Variants in CDC14A observed in about 807,000 individuals in gnomAD.
CDC14A encodes the protein cell division cycle 14A.
In CDC14A, 53 loss-of-function variants were observed where a neutral mutation model predicts 74.4. The observed-to-expected ratio is 0.71, with a 90% CI of 0.57 to 0.89. The LOEUF is 0.89. Ranked by LOEUF, CDC14A falls within the 40% of genes least tolerant of loss-of-function variation. CDC14A has a pLI of 0.00. For missense variants in CDC14A, 646 were observed against 713.7 expected (o/e 0.91, Z 1.08); for synonymous variants, 247 against 258.4 (o/e 0.96, Z 0.43).
intron 4 of CDC14A, among the ~76,000 whole-genome samples, chr1:100,409,132 G>A (rs913224857): frequency 2.0e-5 from 3 of 152,088 alleles, no homozygotes; most frequent in Admixed American, 6.6e-5. Context: ...TGAAAGGCAC[G>A]TCTCACATGG....
chr1:100,461,897 T>A (rs1290070764), intron 8 of CDC14A, among the ~76,000 whole-genome samples: 1 of 152,234 alleles, frequency 6.6e-6, no homozygotes, highest in Non-Finnish European at 1.5e-5. Context: ...TTAAGTCAAG[T>A]CTTACTTAAG....
intron 4 of CDC14A, among the ~76,000 whole-genome samples, chr1:100,421,739 C>G (rs1052679385): frequency 6.6e-6 from 1 of 152,068 alleles, no homozygotes; most frequent in East Asian, 1.9e-4. Flanking sequence ...GCCCACTGTT[C>G]GAATTCTGTT....
rs147711708 is a variant in CDC14A, at chr1:100,410,344, C to T, written c.310-13878C>T. On this transcript the variant is annotated intron_variant, in intron 4 of 15. Coordinates refer to ENST00000336454, the MANE Select transcript of CDC14A (RefSeq NM_003672.4). Reference sequence around the variant, plus strand: ...TTCTAAAATCATTTTTTTTCCAAGACGGAGTCTTGCTCTGTTGCCCAGGCT... The same window carrying T: ...TTCTAAAATCATTTTTTTTCCAAGATGGAGTCTTGCTCTGTTGCCCAGGCT... Among the ~76,000 whole-genome samples the T allele has an allele frequency of 3.9e-3, 593 of 151,930 alleles. 5 individuals are homozygous for T. Among genetic ancestry groups the T allele is most frequent in the African/African-American group, 0.014 (560 of 41,444 alleles).
At chr1:100,424,678 T>C (rs1293840723) in intron 5 of CDC14A, among the ~76,000 whole-genome samples, 3 of 152,170 alleles carry the variant, frequency 2.0e-5, no homozygotes, top group East Asian at 1.9e-4. Context: ...TCTGGTCACA[T>C]GTCAGAGGCC....
At chr1:100,456,388 A>C (rs1261126659) in intron 8 of CDC14A, among the ~76,000 whole-genome samples, 1 of 152,200 alleles carries the variant, frequency 6.6e-6, no homozygotes, top group African/African-American at 2.4e-5. Context: ...AATTTACAAG[A>C]GAAGTACATA....
intron 9 of CDC14A, among the ~76,000 whole-genome samples, chr1:100,467,415 A>G (rs1200709450): frequency 7.1e-6 from 1 of 139,964 alleles, no homozygotes; most frequent in Non-Finnish European, 1.5e-5. Flanking sequence ...GCGCACACAC[A>G]CACACGCATA....
At chr1:100,403,593 T>G (rs899337111) in intron 4 of CDC14A, among the ~76,000 whole-genome samples, 1 of 152,272 alleles carries the variant, frequency 6.6e-6, no homozygotes, top group Non-Finnish European at 1.5e-5. Context: ...TGGATGGTTT[T>G]TATTCAGTTG....
chr1:100,387,140 A>G (rs1018772856), intron 3 of CDC14A, among the ~76,000 whole-genome samples: 1 of 152,174 alleles, frequency 6.6e-6, no homozygotes, highest in African/African-American at 2.4e-5. Flanking sequence ...CATCACTGGT[A>G]GAAAACTGTG....
At chr1:100,353,413 G>A (rs1298602926) in intron 1 of CDC14A, among the ~76,000 whole-genome samples, 2 of 152,164 alleles carry the variant, frequency 1.3e-5, no homozygotes, top group African/African-American at 4.8e-5. Flanking sequence ...GCTGCGTCGG[G>A]AGGCTCACCT....
At chr1:100,441,305 A>T (rs1173179151) in intron 6 of CDC14A, among the ~76,000 whole-genome samples, 1 of 152,166 alleles carries the variant, frequency 6.6e-6, no homozygotes, top group Non-Finnish European at 1.5e-5. Context: ...GGAGGATCTG[A>T]TAGATTGTGC....
chr1:100,482,876 G>C (rs764748291), intron 10 of CDC14A, among the ~76,000 whole-genome samples: 2 of 151,942 alleles, frequency 1.3e-5, no homozygotes, highest in African/African-American at 2.4e-5. Context: ...TGTGCACAAC[G>C]TGCAGGCTTG....
At chr1:100,499,663 C>T (rs1004766238) in intron 15 of CDC14A, among the ~76,000 whole-genome samples, 2 of 152,092 alleles carry the variant, frequency 1.3e-5, no homozygotes, top group African/African-American at 4.8e-5. Flanking sequence ...GCTGGGGGTG[C>T]GCTGGTTTGG....
upstream of CDC14A, among the ~76,000 whole-genome samples, chr1:100,350,335 C>T (rs1314762477): frequency 2.6e-5 from 4 of 152,310 alleles, no homozygotes; most frequent in East Asian, 1.9e-4. Flanking sequence ...TCAGGTGATC[C>T]GCAGGCCTTG....
chr1:100,382,086 T>C (rs1288196558), intron 3 of CDC14A, among the ~76,000 whole-genome samples: 3 of 152,030 alleles, frequency 2.0e-5, no homozygotes, highest in Non-Finnish European at 4.4e-5. Flanking sequence ...TTTTTTCAGG[T>C]TCTCAGAGGG....
upstream of CDC14A, among the ~76,000 whole-genome samples, chr1:100,348,506 G>A (rs546471576): frequency 1.3e-5 from 2 of 151,476 alleles, no homozygotes; most frequent in Non-Finnish European, 1.5e-5. Context: ...TCTTTTTTTA[G>A]AACTGGCCAC....
intron 4 of CDC14A, among the ~76,000 whole-genome samples, chr1:100,420,047 C>T (rs1211412158): frequency 0.47 from 18,833 of 39,852 alleles, 4,492 homozygotes; most frequent in African/African-American, 0.66. Context: ...CACACACACA[C>T]ACACACACAC....
chr1:100,494,773 A>AGGCTTTATAT (rs1647535447), intron 11 of CDC14A, 45 bp from the exon 12 acceptor site: 1 of 1,097,602 alleles, frequency 9.1e-7, no homozygotes, highest in Non-Finnish European at 1.4e-6. Flanking sequence ...AAACCTATAT[A>AGGCTTTATAT]AAGCCAAATT....
At chr1:100,444,133 G>A (rs1288143192) in intron 7 of CDC14A, among the ~76,000 whole-genome samples, 1 of 152,108 alleles carries the variant, frequency 6.6e-6, no homozygotes, top group Non-Finnish European at 1.5e-5. Context: ...CCATCCTACT[G>A]AGCACCCAGC....
At chr1:100,409,302 A>C (rs1660362574) in intron 4 of CDC14A, among the ~76,000 whole-genome samples, 1 of 152,172 alleles carries the variant, frequency 6.6e-6, no homozygotes, top group South Asian at 2.1e-4. Context: ...GTGGGAATTC[A>C]AGATGAGATT....
Sources: allele counts gnomAD v4.1 joint callset (sites outside exome capture counted in the v4.1 genomes callset), GRCh38; gene constraint gnomAD v4.1.1; transcripts MANE v1.5; gene names NCBI Gene and HGNC (gene_info 2026-07-23, HGNC 2026-07-21).